The following GABRB2 variants were observed in gnomAD, a reference collection of about 807,000 sequenced individuals.
GABRB2 encodes the protein gamma-aminobutyric acid receptor subunit beta-2.
Under a neutral mutation model 54.7 loss-of-function variants are expected in GABRB2, and 16 were observed. The observed-to-expected ratio is 0.29, with a 90% CI of 0.20 to 0.44. GABRB2 has a LOEUF of 0.44. Among genes scored for constraint, GABRB2 ranks in the 20% least tolerant of loss-of-function variants. The pLI is 1.00. For missense variants in GABRB2, 355 were observed against 644.0 expected (o/e 0.55, Z 4.86); for synonymous variants, 244 against 233.8 (o/e 1.04, Z -0.40).
chr5:161,469,897 T>C (rs1484299360), intron 3 of GABRB2, among the ~76,000 whole-genome samples: 1 of 151,740 alleles, frequency 6.6e-6, no homozygotes, highest in African/African-American at 2.4e-5. Context: ...TCTTCATCTC[T>C]ATTTTCTCAT....
At chr5:161,438,958 G>T (rs1327953667) in intron 4 of GABRB2, among the ~76,000 whole-genome samples, 1 of 152,124 alleles carries the variant, frequency 6.6e-6, no homozygotes, top group African/African-American at 2.4e-5. Context: ...TTAAAGAGGA[G>T]GTAGAGAGAT....
At chr5:161,478,895 T>C (rs1758672495) in intron 3 of GABRB2, among the ~76,000 whole-genome samples, 1 of 152,078 alleles carries the variant, frequency 6.6e-6, no homozygotes, top group Non-Finnish European at 1.5e-5. Context: ...CTTATTTTCA[T>C]TTTGCTCAGC....
chr5:161,302,172 C>G lies in GABRB2; in HGVS notation c.1192-7744G>C, dbSNP rs551025684. Among the ~76,000 whole-genome samples the G allele has an allele frequency of 3.2e-4, 49 of 152,258 alleles. 1 individual carries two copies. The South Asian group carries it at 9.6e-3, about 30-fold the overall frequency. On this transcript the variant is annotated intron_variant, in intron 9 of 9. Transcript: ENST00000393959. ...ACTTGAATTATTTTCCAGACTGACC[C>G]ATGTGATGATGGTTCTAACAACCAT...
intron 8 of GABRB2, chr5:161,327,080 T>C (rs1216529579): frequency 2.5e-6 from 1 of 407,252 alleles, no homozygotes; most frequent in African/African-American, 2.6e-5. Context: ...ACACACAAAC[T>C]AGAAGAATGC....
intron 9 of GABRB2, among the ~76,000 whole-genome samples, chr5:161,311,439 A>G (rs569035308): frequency 6.6e-6 from 1 of 152,336 alleles, no homozygotes; most frequent in South Asian, 2.1e-4. Flanking sequence ...TCCTAGTTCT[A>G]CCACTAACTT....
chr5:161,477,155 A>C (rs955658391), intron 3 of GABRB2, among the ~76,000 whole-genome samples: 2 of 151,832 alleles, frequency 1.3e-5, no homozygotes, highest in African/African-American at 2.4e-5. Flanking sequence ...ATAATATATA[A>C]ATGACCAACA....
intron 5 of GABRB2, among the ~76,000 whole-genome samples, chr5:161,386,522 T>C (rs1417482757): frequency 6.6e-6 from 1 of 152,152 alleles, no homozygotes; most frequent in Admixed American, 6.6e-5. Context: ...TATACCAATA[T>C]ATTTGAAAAA....
chr5:161,504,121 C>G (rs1759530693), intron 3 of GABRB2, among the ~76,000 whole-genome samples: 1 of 152,062 alleles, frequency 6.6e-6, no homozygotes, highest in Non-Finnish European at 1.5e-5. Flanking sequence ...ATTTTAACAA[C>G]TATCTCTCAG....
intron 5 of GABRB2, among the ~76,000 whole-genome samples, chr5:161,365,954 T>A (rs1754959518): frequency 6.6e-6 from 1 of 151,790 alleles, no homozygotes; most frequent in Admixed American, 6.6e-5. Context: ...GTGACACTCC[T>A]TATGCCTGGG....
intron 9 of GABRB2, among the ~76,000 whole-genome samples, chr5:161,319,125 G>GT (rs777958862): frequency 0.01 from 1,420 of 139,602 alleles, 8 homozygotes; most frequent in African/African-American, 0.013. Context: ...TTTATTAGCT[G>GT]TTTTTTTTTT....
intron 9 of GABRB2, among the ~76,000 whole-genome samples, chr5:161,294,777 C>G (rs1031966301): frequency 2.0e-5 from 3 of 152,092 alleles, no homozygotes; most frequent in Non-Finnish European, 4.4e-5. Flanking sequence ...GATATGAACA[C>G]ATAAAAATTA....
At chr5:161,492,061 G>T (rs1759103692) in intron 3 of GABRB2, among the ~76,000 whole-genome samples, 1 of 151,546 alleles carries the variant, frequency 6.6e-6, no homozygotes, top group Admixed American at 6.6e-5. Flanking sequence ...TAGTAGGTTT[G>T]TGAATTCTAT....
At chr5:161,434,661 T>C (rs1010677709) in intron 4 of GABRB2, among the ~76,000 whole-genome samples, 3 of 152,202 alleles carry the variant, frequency 2.0e-5, no homozygotes, top group African/African-American at 4.8e-5. Flanking sequence ...TATGTCTCAG[T>C]GTATTTGTCA....
intron 4 of GABRB2, among the ~76,000 whole-genome samples, chr5:161,428,174 G>A (rs1757060842): frequency 6.6e-6 from 1 of 151,980 alleles, no homozygotes; most frequent in Admixed American, 6.6e-5. Flanking sequence ...GTTTTGTTTT[G>A]TTTTTTGTAG....
intron 5 of GABRB2, among the ~76,000 whole-genome samples, chr5:161,352,472 C>T (rs1754503431): frequency 6.6e-6 from 1 of 151,886 alleles, no homozygotes. Context: ...ACAAATATTG[C>T]ATAATTTCAA....
chr5:161,417,308 A>G (rs73319092), intron 4 of GABRB2, among the ~76,000 whole-genome samples: 2,428 of 152,324 alleles, frequency 0.016, 61 homozygotes, highest in African/African-American at 0.047. Context: ...TCACGACACT[A>G]GTGTCACTGA....
At chr5:161,313,868 A>G (rs1447554782) in intron 9 of GABRB2, among the ~76,000 whole-genome samples, 1 of 152,196 alleles carries the variant, frequency 6.6e-6, no homozygotes, top group African/African-American at 2.4e-5. Flanking sequence ...ATAATCGAGT[A>G]GGTTTGATTA....
intron 4 of GABRB2, among the ~76,000 whole-genome samples, chr5:161,424,328 G>A (rs184344908): frequency 6.6e-6 from 1 of 152,188 alleles, no homozygotes; most frequent in East Asian, 1.9e-4. Flanking sequence ...TCAATTCCTC[G>A]ATTCAAAGCT....
intron 3 of GABRB2, among the ~76,000 whole-genome samples, chr5:161,463,920 C>T (rs914061937): frequency 6.6e-6 from 1 of 151,592 alleles, no homozygotes; most frequent in African/African-American, 2.4e-5. Context: ...AAAATTTGAC[C>T]CATACTTCAC....
Sources: gnomAD v4.1 joint callset for allele counts (sites outside exome capture counted in the v4.1 genomes callset) on GRCh38, gnomAD v4.1.1 for gene constraint, MANE v1.5 for transcripts, NCBI Gene and HGNC (gene_info 2026-07-23, HGNC 2026-07-21) for gene names.